The following MYO1H variants were observed in gnomAD, a reference collection of about 807,000 sequenced individuals.
MYO1H encodes the protein myosin IH.
A neutral mutation model predicts 149.3 loss-of-function variants in MYO1H; 118 were observed. The observed-to-expected ratio is 0.79, with a 90% CI of 0.68 to 0.92. The LOEUF is 0.92. MYO1H is among the 40% of genes least tolerant of loss of function. The probability of loss-of-function intolerance (pLI) is 0.00; values close to 1 mark genes in which losing one functional copy is unlikely to be tolerated. For missense variants in MYO1H, 1,212 were observed against 1,280.7 expected (o/e 0.95, Z 0.82); for synonymous variants, 447 against 465.2 (o/e 0.96, Z 0.50).
intron 15 of MYO1H, among the ~76,000 whole-genome samples, chr12:109,417,731 C>T (rs1413379919): frequency 2.6e-5 from 4 of 152,204 alleles, no homozygotes; most frequent in African/African-American, 7.2e-5. Flanking sequence ...CATGTTTTCA[C>T]GTGCTTATTG....
At chr12:109,371,213 CTT>C (rs34350111) in intron 1 of MYO1H, among the ~76,000 whole-genome samples, 47 of 118,302 alleles carry the variant, frequency 4.0e-4, no homozygotes, top group African/African-American at 1.1e-3. Flanking sequence ...TTTTTTCTTT[CTT>C]TTTTTTTTTT....
the MYO1H span, among the ~76,000 whole-genome samples, chr12:109,322,078 C>G: frequency 2.0e-5 from 3 of 152,050 alleles, no homozygotes; most frequent in African/African-American, 7.2e-5. Flanking sequence ...GCAAGTGGAT[C>G]AAGCAGAGAG....
the MYO1H span, among the ~76,000 whole-genome samples, chr12:109,316,806 C>G: frequency 6.6e-6 from 1 of 152,148 alleles, no homozygotes; most frequent in African/African-American, 2.4e-5. Flanking sequence ...CCTCGGGTCC[C>G]TAAGAATGTG....
the MYO1H span, among the ~76,000 whole-genome samples, chr12:109,337,978 C>G: frequency 6.6e-6 from 1 of 152,040 alleles, no homozygotes; most frequent in Non-Finnish European, 1.5e-5. Flanking sequence ...CAGACTTCAG[C>G]AAGGGTTTAG....
At chr12:109,356,882 A>C (rs539435592) in intron 1 of MYO1H, among the ~76,000 whole-genome samples, 12 of 152,314 alleles carry the variant, frequency 7.9e-5, no homozygotes, top group Non-Finnish European at 1.6e-4. Context: ...GTGTTGGGTA[A>C]ATCAAACACA....
intron 1 of MYO1H, among the ~76,000 whole-genome samples, chr12:109,349,384 T>G (rs189731663): frequency 6.6e-6 from 1 of 152,210 alleles, no homozygotes; most frequent in Admixed American, 6.5e-5. Context: ...CAAACTGGGC[T>G]GGGCATGGTG....
At chr12:109,440,870 G>T (rs1246655320) in intron 25 of MYO1H, 43 bp downstream of exon 25, 4 of 1,368,816 alleles carry the variant, frequency 2.9e-6, no homozygotes, top group Non-Finnish European at 4.1e-6. Context: ...GGGGGTGGGT[G>T]TAAGAGTGGG....
chr12:109,324,215 C>G, the MYO1H span, among the ~76,000 whole-genome samples: 1 of 152,148 alleles, frequency 6.6e-6, no homozygotes, highest in East Asian at 1.9e-4. Flanking sequence ...CTACAGGTGG[C>G]CTTTCCATGC....
chr12:109,392,625 A>C (rs556293114), intron 2 of MYO1H, among the ~76,000 whole-genome samples: 1 of 151,786 alleles, frequency 6.6e-6, no homozygotes, highest in South Asian at 2.1e-4. Context: ...GAGGCTGAGG[A>C]GAATCACTTG....
At chr12:109,334,519 A>G in the MYO1H span, among the ~76,000 whole-genome samples, 3 of 152,208 alleles carry the variant, frequency 2.0e-5, no homozygotes, top group Admixed American at 6.5e-5. Flanking sequence ...ATGAGAAAAT[A>G]AGGCTCAAAA....
intron 30 of MYO1H, among the ~76,000 whole-genome samples, chr12:109,445,110 C>T (rs1872422642): frequency 6.6e-6 from 1 of 152,188 alleles, no homozygotes; most frequent in African/African-American, 2.4e-5. Flanking sequence ...TTTCCCTCAT[C>T]CTGTGCTGTT....
At chr12:109,394,554 G>A (rs1055136732) in intron 3 of MYO1H, among the ~76,000 whole-genome samples, 3 of 151,314 alleles carry the variant, frequency 2.0e-5, no homozygotes, top group African/African-American at 7.3e-5. Context: ...TGCCTGATTG[G>A]CCAAATGTTC....
intron 1 of MYO1H, among the ~76,000 whole-genome samples, chr12:109,361,813 C>CAAAA (rs35915417): frequency 4.4e-4 from 25 of 56,852 alleles, no homozygotes; most frequent in African/African-American, 5.4e-4. Flanking sequence ...CCTTGTCTCA[C>CAAAA]AAAAAAAAAA....
chr12:109,419,609 G>A (rs1028489350), intron 15 of MYO1H, among the ~76,000 whole-genome samples: 1 of 151,970 alleles, frequency 6.6e-6, no homozygotes, highest in African/African-American at 2.4e-5. Flanking sequence ...AGTACAGTGC[G>A]CAATCGTGGC....
At chr12:109,351,018 T>C (rs1272001014) in intron 1 of MYO1H, among the ~76,000 whole-genome samples, 1 of 152,158 alleles carries the variant, frequency 6.6e-6, no homozygotes, top group Non-Finnish European at 1.5e-5. Context: ...TTACCCTGAG[T>C]GTCATAAGTG....
chr12:109,435,010 A>G (rs773513858), intron 20 of MYO1H, 27 bp from the exon 21 acceptor site: 1 of 1,539,088 alleles, frequency 6.5e-7, no homozygotes, highest in Non-Finnish European at 8.9e-7. Flanking sequence ...ACCAATTAAT[A>G]ACAAAAACAT....
intron 19 of MYO1H, among the ~76,000 whole-genome samples, chr12:109,427,909 A>ATAAATATATATATATATATATATAT (rs1201603491): frequency 6.1e-5 from 1 of 16,416 alleles, no homozygotes; most frequent in African/African-American, 3.1e-4. Context: ...AAAAAAAAAA[A>ATAAATATATATATATATATATATAT]ATATATATAT....
chr12:109,342,488 G>A, the MYO1H span, among the ~76,000 whole-genome samples: 2 of 143,780 alleles, frequency 1.4e-5, no homozygotes, highest in Non-Finnish European at 3.0e-5. Context: ...TTATTTTTCT[G>A]TTGCGTGGTT....
chr12:109,401,842 T>G (rs1203092266), intron 6 of MYO1H, among the ~76,000 whole-genome samples: 1 of 151,896 alleles, frequency 6.6e-6, no homozygotes. Context: ...TGGGCTCAAG[T>G]GATCCTCCCA....
Sources: gnomAD v4.1 joint callset for allele counts (sites outside exome capture counted in the v4.1 genomes callset) on GRCh38, gnomAD v4.1.1 for gene constraint, MANE v1.5 for transcripts, NCBI Gene and HGNC (gene_info 2026-07-23, HGNC 2026-07-21) for gene names.